CUX2: variants seen among roughly 807,000 people sequenced by gnomAD.
CUX2 encodes cut like homeobox 2.
In CUX2, 40 loss-of-function variants were observed where a neutral mutation model predicts 144.8. That is an observed-to-expected ratio of 0.28 (90% confidence interval 0.21 to 0.36). The LOEUF (loss-of-function observed/expected upper bound fraction) is 0.36, where lower values mean the gene tolerates loss of function less well. CUX2 is among the 10% of genes least tolerant of loss of function. The pLI is 1.00. For synonymous variants in CUX2, 827 were observed against 875.6 expected (o/e 0.94, Z 0.98); for missense variants, 1,615 against 1,994.0 (o/e 0.81, Z 3.62).
At chr12:111,200,659 G>A (rs1372853259) in intron 1 of CUX2, among the ~76,000 whole-genome samples, 2 of 152,268 alleles carry the variant, frequency 1.3e-5, no homozygotes, top group South Asian at 4.1e-4. Flanking sequence ...TTGGCTCAGT[G>A]TCTTCAGACC....
chr12:111,161,557 C>T (rs1877767270), intron 1 of CUX2, among the ~76,000 whole-genome samples: 1 of 152,192 alleles, frequency 6.6e-6, no homozygotes, highest in South Asian at 2.1e-4. Flanking sequence ...CTCACAACAA[C>T]CCCAAGAGGA....
intron 1 of CUX2, among the ~76,000 whole-genome samples, chr12:111,169,788 C>G (rs1878399206): frequency 6.6e-6 from 1 of 152,180 alleles, no homozygotes; most frequent in African/African-American, 2.4e-5. Context: ...ATAATAGACC[C>G]TGAGTACACG....
intron 1 of CUX2, among the ~76,000 whole-genome samples, chr12:111,124,516 G>A (rs1300668140): frequency 6.6e-6 from 1 of 152,180 alleles, no homozygotes; most frequent in Non-Finnish European, 1.5e-5. Flanking sequence ...AGTCAAACAA[G>A]GCAGGTCAGA....
intron 9 of CUX2, among the ~76,000 whole-genome samples, chr12:111,300,767 A>G (rs371841031): frequency 1.3e-5 from 2 of 152,182 alleles, no homozygotes; most frequent in Admixed American, 1.3e-4. Context: ...ACTGCACACA[A>G]TAGCTCATGC....
chr12:111,044,399 C>T (rs1344442362), intron 1 of CUX2, among the ~76,000 whole-genome samples: 2 of 152,010 alleles, frequency 1.3e-5, no homozygotes, highest in Non-Finnish European at 2.9e-5. Context: ...TTCTCCCCCT[C>T]TTTATTCAAG....
At chr12:111,224,711 G>C (rs1426868024) in intron 3 of CUX2, among the ~76,000 whole-genome samples, 1 of 151,908 alleles carries the variant, frequency 6.6e-6, no homozygotes, top group Non-Finnish European at 1.5e-5. Context: ...GCAGGGGAGG[G>C]CAGGGAGCAG....
chr12:111,055,576 C>T (rs1213945412), intron 1 of CUX2, among the ~76,000 whole-genome samples: 1 of 152,264 alleles, frequency 6.6e-6, no homozygotes, highest in South Asian at 2.1e-4. Flanking sequence ...CTGCTGAGGC[C>T]GTCTGCCTCC....
rs533306484 is a variant in CUX2 at position 111,290,483 on chromosome 12, A to C, written c.302-935A>C. Among the ~76,000 whole-genome samples, 169 of 152,180 alleles carry C rather than the reference A, an allele frequency of 1.1e-3. 3 individuals carry two copies. Among genetic ancestry groups the C allele is most frequent in the African/African-American group, 3.8e-3 (158 of 41,540 alleles). On this transcript the variant is annotated intron_variant, in intron 4 of 21. Transcript: ENST00000261726. The stretch of plus-strand genomic sequence containing the variant: ...TACTCTGTCCCCCAGGCTGGAGTGC[A>C]GTGGCATCATCTCAGCTCACTGCAA...
chr12:111,226,779 G>A (rs1277531703), intron 3 of CUX2, among the ~76,000 whole-genome samples: 2 of 152,286 alleles, frequency 1.3e-5, no homozygotes, highest in South Asian at 2.1e-4. Flanking sequence ...CGTCTGGGCC[G>A]GGCTGGGAAG....
intron 9 of CUX2, among the ~76,000 whole-genome samples, chr12:111,303,636 CAAAAA>C (rs35729076): frequency 8.8e-6 from 1 of 113,310 alleles, no homozygotes; most frequent in Non-Finnish European, 1.9e-5. Context: ...GACTCCATCT[CAAAAA>C]AAAAAAAAAG....
At chr12:111,129,936 C>T (rs1362780457) in intron 1 of CUX2, among the ~76,000 whole-genome samples, 1 of 152,178 alleles carries the variant, frequency 6.6e-6, no homozygotes, top group Non-Finnish European at 1.5e-5. Flanking sequence ...TGAGCTAAAA[C>T]TCTATTGATC....
chr12:111,151,470 C>G (rs915247248), intron 1 of CUX2, among the ~76,000 whole-genome samples: 4 of 152,160 alleles, frequency 2.6e-5, no homozygotes, highest in Non-Finnish European at 4.4e-5. Context: ...CAATATAATT[C>G]AGTTCTTTCT....
intron 1 of CUX2, among the ~76,000 whole-genome samples, chr12:111,191,251 G>A (rs564149234): frequency 3.3e-5 from 5 of 152,174 alleles, no homozygotes; most frequent in African/African-American, 1.2e-4. Context: ...GAACGTGCCT[G>A]GCCCACAGGG....
intron 1 of CUX2, among the ~76,000 whole-genome samples, chr12:111,109,855 T>G (rs1444225074): frequency 6.6e-6 from 1 of 152,068 alleles, no homozygotes; most frequent in Non-Finnish European, 1.5e-5. Context: ...AGGGTGGATC[T>G]CCCCCGATCT....
chr12:111,139,318 A>G (rs1383419283), intron 1 of CUX2, among the ~76,000 whole-genome samples: 1 of 151,808 alleles, frequency 6.6e-6, no homozygotes. Flanking sequence ...ATAGGAGGAG[A>G]ATGGATGGGG....
At chr12:111,145,996 C>T (rs1756910570) in intron 1 of CUX2, among the ~76,000 whole-genome samples, 1 of 152,226 alleles carries the variant, frequency 6.6e-6, no homozygotes, top group Admixed American at 6.5e-5. Flanking sequence ...TGAGCCACCA[C>T]ACCCGGCCCT....
At chr12:111,319,591 G>A (rs1462030348) in intron 16 of CUX2, among the ~76,000 whole-genome samples, 1 of 152,188 alleles carries the variant, frequency 6.6e-6, no homozygotes, top group South Asian at 2.1e-4. Context: ...AAATAGCTGG[G>A]CATGGTGGTG....
At chr12:111,202,559 T>A (rs1880662600) in intron 1 of CUX2, among the ~76,000 whole-genome samples, 1 of 152,194 alleles carries the variant, frequency 6.6e-6, no homozygotes, top group South Asian at 2.1e-4. Context: ...TAGCCAGTCT[T>A]TCATCTGTTC....
chr12:111,216,787 T>C (rs1020973344), intron 2 of CUX2, among the ~76,000 whole-genome samples: 2 of 104,522 alleles, frequency 1.9e-5, no homozygotes, highest in Non-Finnish European at 3.9e-5. Flanking sequence ...CATCAGTCTA[T>C]CAATCAGTGG....
Sources: allele counts gnomAD v4.1 joint callset (sites outside exome capture counted in the v4.1 genomes callset), GRCh38; gene constraint gnomAD v4.1.1; transcripts MANE v1.5; gene names NCBI Gene and HGNC (gene_info 2026-07-23, HGNC 2026-07-21).